Variants in RABGAP1 observed in about 807,000 individuals in gnomAD.
The protein encoded by RABGAP1 is RAB GTPase activating protein 1, also known as rab GTPase-activating protein 1.
Under a neutral mutation model 137.6 loss-of-function variants are expected in RABGAP1, and 23 were observed. The ratio of observed to expected loss-of-function variants is 0.17; its 90% CI spans 0.12 to 0.24. The LOEUF is 0.24. RABGAP1 is among the 10% of genes least tolerant of loss of function. The pLI is 1.00. For synonymous variants in RABGAP1, 451 were observed against 450.7 expected, an observed-to-expected ratio of 1.00 and a Z score of -0.01; for missense variants, 906 against 1,275.8, an observed-to-expected ratio of 0.71 and a Z score of 4.42.
intron 2 of RABGAP1, among the ~76,000 whole-genome samples, chr9:122,973,870 C>T (rs1483636589): frequency 6.6e-6 from 1 of 151,970 alleles, no homozygotes; most frequent in Non-Finnish European, 1.5e-5. Context: ...ATTAGCTGGG[C>T]GTGGTGGCAT....
intron 13 of RABGAP1, among the ~76,000 whole-genome samples, chr9:123,038,733 A>G (rs184797035): frequency 4.3e-4 from 65 of 151,560 alleles, no homozygotes; most frequent in African/African-American, 1.5e-3. Flanking sequence ...AGAAAAAAAT[A>G]TTAAGTATTT....
chr9:123,013,265 G>A (rs1399036402), intron 11 of RABGAP1, among the ~76,000 whole-genome samples: 4 of 152,036 alleles, frequency 2.6e-5, no homozygotes, highest in Admixed American at 6.6e-5. Context: ...AATTACTTGA[G>A]AGATTAGAAA....
At chr9:123,078,945 G>C (rs2132169483) in intron 19 of RABGAP1, among the ~76,000 whole-genome samples, 1 of 152,162 alleles carries the variant, frequency 6.6e-6, no homozygotes, top group Non-Finnish European at 1.5e-5. Context: ...ACCATCCAGA[G>C]GCATCCTGCA....
intron 13 of RABGAP1, among the ~76,000 whole-genome samples, chr9:123,042,714 C>T (rs1224646007): frequency 1.3e-5 from 2 of 152,040 alleles, no homozygotes; most frequent in East Asian, 3.8e-4. Context: ...AACCCAATAG[C>T]TGACTAACAG....
chr9:123,032,964 TCA>T (rs1298659622), intron 13 of RABGAP1, among the ~76,000 whole-genome samples: 2 of 152,232 alleles, frequency 1.3e-5, no homozygotes, highest in Non-Finnish European at 2.9e-5. Flanking sequence ...TGTTTACTGC[TCA>T]GCAAATTAGA....
At chr9:122,941,011 G>C (rs1833514054), upstream of RABGAP1, 1 of 133,184 alleles carries the variant, frequency 7.5e-6, no homozygotes, top group South Asian at 2.9e-4. Context: ...GGGGGGGCGG[G>C]GACAGGGCGG....
intron 13 of RABGAP1, among the ~76,000 whole-genome samples, chr9:123,036,166 GT>G (rs1289143869): frequency 6.6e-6 from 1 of 152,156 alleles, no homozygotes; most frequent in African/African-American, 2.4e-5. Flanking sequence ...AATGTTCTGT[GT>G]TTTATTCTCT....
chr9:122,985,161 T>C (rs1331641570), intron 3 of RABGAP1, among the ~76,000 whole-genome samples: 2 of 152,016 alleles, frequency 1.3e-5, no homozygotes, highest in Non-Finnish European at 2.9e-5. Flanking sequence ...CAGAAAGACA[T>C]AGCATGGGAG....
chr9:123,070,548 A>G lies in RABGAP1; in HGVS notation c.1983+124A>G, dbSNP rs932789625. ...TCTTAAGGCATGAATTTTAACACCT[A>G]TAGCTGGAAACTTTTTCCTTAAATT... On this transcript the variant is annotated intron_variant, in intron 15 of 25. Transcript: ENST00000373647. This position sits in a 1 kb window ranked among gnomAD's most constrained non-coding sequence, Gnocchi z 4.4. The G allele has an allele frequency of 6.8e-6, 10 of 1,465,910 alleles. No individual in the cohort carries two copies. Among genetic ancestry groups the G allele is most frequent in the Non-Finnish European group, 7.2e-6 (8 of 1,109,844 alleles). 90.8% of individuals were successfully genotyped at this position (1,465,910 alleles called of 1,614,324 possible). A position where few individuals can be genotyped will look rare whatever the true frequency, so the allele number is the denominator to read the frequency against.
At chr9:122,996,436 G>A in intron 7 of RABGAP1, 103 bp from the exon 8 acceptor site, 2 of 1,198,488 alleles carry the variant, frequency 1.7e-6, no homozygotes, top group South Asian at 1.5e-5. Flanking sequence ...ACTCTAATGT[G>A]TTCTCTTTTC....
chr9:123,055,927 A>G (rs2033674744), intron 13 of RABGAP1, among the ~76,000 whole-genome samples: 1 of 152,090 alleles, frequency 6.6e-6, no homozygotes, highest in South Asian at 2.1e-4. Context: ...GAACTCTTTC[A>G]CTTGGCTCCC....
chr9:123,089,526 CAGTTAAAGCCTT>C (rs2034974200), intron 19 of RABGAP1: 1 of 452,270 alleles, frequency 2.2e-6, no homozygotes, highest in Admixed American at 3.4e-5. Context: ...CTAATACTGT[CAGTTAAAGCCTT>C]AGGACCCAAA....
chr9:123,100,926 G>A (rs1003551590), intron 24 of RABGAP1, among the ~76,000 whole-genome samples: 1 of 152,106 alleles, frequency 6.6e-6, no homozygotes, highest in Admixed American at 6.5e-5. Context: ...TCTGAGATAA[G>A]CATTTCTTTT....
At chr9:123,047,445 A>T (rs951358364) in intron 13 of RABGAP1, among the ~76,000 whole-genome samples, 2 of 152,208 alleles carry the variant, frequency 1.3e-5, no homozygotes, top group African/African-American at 4.8e-5. Context: ...ATTCTAGGAG[A>T]GTCCTTTAAG....
In RABGAP1 at chr9:123,019,158, G is replaced by T. The variant is rs920920046; in HGVS notation, c.1644-1151G>T. On this transcript the variant is annotated intron_variant, in intron 12 of 25. Transcript: ENST00000373647. ...TCCCCATTTTATAGGTGACATAAAT[G>T]AAGTCCAAAGATTTCGATAACTTGT... Among the ~76,000 whole-genome samples the T allele has an allele frequency of 2.6e-5, 4 of 152,288 alleles. No individual in the cohort carries two copies. In the East Asian group the frequency reaches 5.8e-4, roughly 22 times the overall value.
chr9:123,087,194 T>C (rs887353559), intron 19 of RABGAP1, among the ~76,000 whole-genome samples: 1 of 152,192 alleles, frequency 6.6e-6, no homozygotes, highest in African/African-American at 2.4e-5. Context: ...TAAGGGTTAA[T>C]GAAATATAGA....
chr9:122,987,732 A>C (rs1475466999), intron 4 of RABGAP1, among the ~76,000 whole-genome samples: 1 of 152,176 alleles, frequency 6.6e-6, no homozygotes, highest in East Asian at 1.9e-4. Context: ...TTATATGGGA[A>C]TATCAGTGTT....
chr9:123,098,842 C>T lies in RABGAP1; in HGVS notation c.2817+44C>T. 2.7e-6 allele frequency: 4 copies of T among 1,497,490 alleles called. 1 individual carries two copies. The highest frequency in any genetic ancestry group is 3.7e-6 in the Non-Finnish European group (4 of 1,086,264). 92.8% of individuals were successfully genotyped at this position (1,497,490 alleles called of 1,614,324 possible). A position where few individuals can be genotyped will look rare whatever the true frequency, so the allele number is the denominator to read the frequency against. ...GGATTGGGCTGTGTAATCTGGGAGC[C>T]CCTAGTCTGGATAAAATGTATACCC... is the stretch of plus-strand genomic sequence containing the variant. On this transcript the variant is annotated intron_variant, in intron 23 of 25. Coordinates refer to ENST00000373647, the MANE Select transcript of RABGAP1 (RefSeq NM_012197.4).
At chr9:123,020,201 AC>A (rs1206318668) in intron 12 of RABGAP1, 107 bp from the exon 13 acceptor site, 1 of 1,003,212 alleles carries the variant, frequency 1.0e-6, no homozygotes, top group Non-Finnish European at 1.3e-6. Context: ...TTACTTTGTT[AC>A]CTTGTCACGT....
Sources: allele counts gnomAD v4.1 joint callset (sites outside exome capture counted in the v4.1 genomes callset), GRCh38; gene constraint gnomAD v4.1.1; non-coding constraint Gnocchi (gnomAD v3.1); transcripts MANE v1.5; gene names NCBI Gene and HGNC (gene_info 2026-07-23, HGNC 2026-07-21).